Variants in DPP10 observed in about 807,000 individuals in gnomAD.
The protein encoded by DPP10 is dipeptidyl peptidase like 10.
Under a neutral mutation model 120.9 loss-of-function variants are expected in DPP10, and 33 were observed. That is an observed-to-expected ratio of 0.27 (90% CI 0.21 to 0.37). The LOEUF is 0.37. DPP10 is among the 10% of genes least tolerant of loss of function. The probability of loss-of-function intolerance (pLI) is 1.00; values close to 1 mark genes in which losing one functional copy is unlikely to be tolerated. For missense variants in DPP10, 816 were observed against 942.8 expected, an observed-to-expected ratio of 0.87 and a Z score of 1.76; for synonymous variants, 337 against 326.1, an observed-to-expected ratio of 1.03 and a Z score of -0.36.
At chr2:115,802,520 G>A (rs1317247538) in intron 19 of DPP10, among the ~76,000 whole-genome samples, 1 of 152,134 alleles carries the variant, frequency 6.6e-6, no homozygotes, top group African/African-American at 2.4e-5. Context: ...TAATTGTGAT[G>A]TTAGGGTGTC....
chr2:114,492,548 A>G (rs1448362828), intron 1 of DPP10, among the ~76,000 whole-genome samples: 4 of 152,224 alleles, frequency 2.6e-5, no homozygotes, highest in African/African-American at 9.6e-5. Flanking sequence ...TTCAAGGGAA[A>G]AAGTAAATAA....
intron 1 of DPP10, among the ~76,000 whole-genome samples, chr2:114,581,674 C>G (rs1458579914): frequency 6.6e-6 from 1 of 152,122 alleles, no homozygotes; most frequent in Non-Finnish European, 1.5e-5. Flanking sequence ...TAATTCCCAT[C>G]TTCCTAACTA....
At chr2:114,955,794 A>C (rs913308322) in intron 1 of DPP10, among the ~76,000 whole-genome samples, 1 of 152,212 alleles carries the variant, frequency 6.6e-6, no homozygotes, top group African/African-American at 2.4e-5. Context: ...TTCAACACAC[A>C]AAAATCTATG....
chr2:114,766,413 A>G (rs904800650), intron 1 of DPP10, among the ~76,000 whole-genome samples: 1 of 152,218 alleles, frequency 6.6e-6, no homozygotes, highest in East Asian at 1.9e-4. Flanking sequence ...TGCAATTACT[A>G]TTTGAAACCC....
chr2:115,360,044 T>C (rs1332524923), intron 3 of DPP10, among the ~76,000 whole-genome samples: 1 of 152,244 alleles, frequency 6.6e-6, no homozygotes, highest in Non-Finnish European at 1.5e-5. Context: ...GGGTTTCAGC[T>C]TTCTCTTGAA....
At chr2:115,644,353 C>T (rs2087047725) in intron 5 of DPP10, among the ~76,000 whole-genome samples, 1 of 152,094 alleles carries the variant, frequency 6.6e-6, no homozygotes, top group African/African-American at 2.4e-5. Context: ...TGATGTTCCC[C>T]TTCTTGTGTC....
chr2:114,815,698 C>T (rs1250540094), intron 1 of DPP10, among the ~76,000 whole-genome samples: 1 of 152,092 alleles, frequency 6.6e-6, no homozygotes, highest in Non-Finnish European at 1.5e-5. Context: ...TTTCTACTCC[C>T]TCAATTATGT....
intron 1 of DPP10, among the ~76,000 whole-genome samples, chr2:114,707,692 T>G (rs1700770868): frequency 6.6e-6 from 1 of 152,204 alleles, no homozygotes; most frequent in South Asian, 2.1e-4. Context: ...GCAAGGTAGG[T>G]CAGAAATTAG....
intron 1 of DPP10, among the ~76,000 whole-genome samples, chr2:114,665,376 G>C (rs1697842742): frequency 6.6e-6 from 1 of 152,130 alleles, no homozygotes; most frequent in African/African-American, 2.4e-5. Flanking sequence ...AGGGAAATCA[G>C]CTTGTTCTTT....
chr2:115,246,275 C>G (rs546632039), intron 1 of DPP10, among the ~76,000 whole-genome samples: 1 of 151,988 alleles, frequency 6.6e-6, no homozygotes, highest in Non-Finnish European at 1.5e-5. Context: ...ACTGGCTAGA[C>G]GACAATAATG....
chr2:114,890,083 T>A (rs1692416277), intron 1 of DPP10, among the ~76,000 whole-genome samples: 1 of 152,202 alleles, frequency 6.6e-6, no homozygotes, highest in Non-Finnish European at 1.5e-5. Flanking sequence ...GATTTTACAG[T>A]CTGGTGGAGA....
rs558728728 is a variant in DPP10, at chr2:115,675,728, C to T, written c.442-13959C>T. ...TCACCAGAGGGAGTTGCCTGGAGTTCATAGGATTTTATTATCCCAGAGAAA... is the reference window on the plus strand; with the variant it reads ...TCACCAGAGGGAGTTGCCTGGAGTTTATAGGATTTTATTATCCCAGAGAAA... On this transcript the variant is annotated intron_variant, in intron 5 of 25. Transcript: ENST00000410059. 1.3e-4 allele frequency among the ~76,000 whole-genome samples: 20 copies of T among 152,280 alleles called. No homozygotes were observed. In the South Asian group the frequency reaches 3.9e-3, roughly 30 times the overall value.
chr2:115,446,162 G>A (rs1325661211), intron 3 of DPP10, among the ~76,000 whole-genome samples: 1 of 152,236 alleles, frequency 6.6e-6, no homozygotes, highest in African/African-American at 2.4e-5. Context: ...TCCATGTGAA[G>A]TTGAGGCTGC....
chr2:115,613,465 T>A (rs1416679706), intron 5 of DPP10, among the ~76,000 whole-genome samples: 2 of 152,224 alleles, frequency 1.3e-5, no homozygotes. Flanking sequence ...GCCCTTGAGT[T>A]CTTTAGGGCT....
chr2:114,591,054 C>T (rs1054763922), intron 1 of DPP10, among the ~76,000 whole-genome samples: 2 of 152,134 alleles, frequency 1.3e-5, no homozygotes, highest in African/African-American at 4.8e-5. Flanking sequence ...TAGGAGCCAG[C>T]CAGGCAACAC....
At chr2:115,460,134 G>A (rs1042608367) in intron 3 of DPP10, among the ~76,000 whole-genome samples, 4 of 151,974 alleles carry the variant, frequency 2.6e-5, no homozygotes, top group Non-Finnish European at 5.9e-5. Flanking sequence ...CAGTGGTAAT[G>A]TGAGTTTCAA....
chr2:114,990,641 G>C (rs943312960), intron 1 of DPP10, among the ~76,000 whole-genome samples: 3 of 152,000 alleles, frequency 2.0e-5, no homozygotes, highest in African/African-American at 7.3e-5. Flanking sequence ...CTCCATTCAA[G>C]TATTTATTTT....
chr2:115,327,846 G>C (rs1036427970), intron 2 of DPP10, among the ~76,000 whole-genome samples: 1 of 151,952 alleles, frequency 6.6e-6, no homozygotes, highest in Non-Finnish European at 1.5e-5. Flanking sequence ...TTTAAATTGA[G>C]GCTATATGGC....
chr2:114,897,783 C>A (rs1245226210), intron 1 of DPP10, among the ~76,000 whole-genome samples: 1 of 152,180 alleles, frequency 6.6e-6, no homozygotes. Flanking sequence ...AAATGCAAAT[C>A]AAAACCACAA....
Sources: gnomAD v4.1 joint callset for allele counts (sites outside exome capture counted in the v4.1 genomes callset) on GRCh38, gnomAD v4.1.1 for gene constraint, MANE v1.5 for transcripts, NCBI Gene and HGNC (gene_info 2026-07-23, HGNC 2026-07-21) for gene names.